CDH12: variants seen among roughly 807,000 people sequenced by gnomAD.
CDH12 encodes the protein cadherin 12.
A neutral mutation model predicts 74.1 loss-of-function variants in CDH12; 41 were observed. That is an observed-to-expected ratio of 0.55 (90% CI 0.43 to 0.72). The LOEUF (loss-of-function observed/expected upper bound fraction) is 0.72, where lower values mean the gene tolerates loss of function less well. CDH12 is among the 30% of genes least tolerant of loss of function. The pLI is 0.00. For missense variants in CDH12, 945 were observed against 977.2 expected (o/e 0.97, Z 0.44); for synonymous variants, 399 against 355.0 (o/e 1.12, Z -1.39).
At chr5:22,809,658 G>GA (rs1749030354) in intron 1 of CDH12, among the ~76,000 whole-genome samples, 1 of 151,682 alleles carries the variant, frequency 6.6e-6, no homozygotes, top group Admixed American at 6.6e-5. Flanking sequence ...TTACCAACAA[G>GA]AAAAAATGTT....
intron 1 of CDH12, among the ~76,000 whole-genome samples, chr5:22,657,855 C>A (rs1328680509): frequency 6.6e-6 from 1 of 152,092 alleles, no homozygotes; most frequent in Non-Finnish European, 1.5e-5. Flanking sequence ...TTAACTTCTC[C>A]ATCAAGTACA....
intron 1 of CDH12, among the ~76,000 whole-genome samples, chr5:22,540,118 TC>T (rs1738034149): frequency 6.6e-6 from 1 of 152,150 alleles, no homozygotes; most frequent in South Asian, 2.1e-4. Flanking sequence ...GAAATGTTTA[TC>T]TTTTTTTAGC....
intron 10 of CDH12, among the ~76,000 whole-genome samples, chr5:21,798,622 G>A (rs1014501212): frequency 6.6e-6 from 1 of 152,012 alleles, no homozygotes; most frequent in South Asian, 2.1e-4. Context: ...GGTCATGAGG[G>A]TGGAGTCCTC....
At chr5:22,175,467 GA>G (rs951538067) in intron 4 of CDH12, among the ~76,000 whole-genome samples, 2 of 151,586 alleles carry the variant, frequency 1.3e-5, no homozygotes, top group African/African-American at 4.8e-5. Flanking sequence ...ACTTGAGAAT[GA>G]AAAAAAATAT....
intron 1 of CDH12, among the ~76,000 whole-genome samples, chr5:22,601,171 T>C (rs1372275440): frequency 2.0e-5 from 3 of 152,080 alleles, no homozygotes; most frequent in African/African-American, 4.8e-5. Flanking sequence ...TTTAACCATA[T>C]GATCCTATGT....
chr5:21,819,736 G>A (rs1748260516), intron 8 of CDH12, among the ~76,000 whole-genome samples: 1 of 151,996 alleles, frequency 6.6e-6, no homozygotes, highest in Non-Finnish European at 1.5e-5. Context: ...GAGACAGAGA[G>A]CCGTCAAGTA....
At chr5:22,072,271 T>C (rs1374163747) in intron 5 of CDH12, among the ~76,000 whole-genome samples, 1 of 152,170 alleles carries the variant, frequency 6.6e-6, no homozygotes, top group Non-Finnish European at 1.5e-5. Context: ...CCATACTTTC[T>C]GTATTTATTC....
At chr5:22,269,933 G>A (rs1736308835) in intron 3 of CDH12, among the ~76,000 whole-genome samples, 1 of 152,028 alleles carries the variant, frequency 6.6e-6, no homozygotes, top group Admixed American at 6.6e-5. Context: ...ATTTCCTGGA[G>A]GGATACTTCA....
rs1048804131 is a variant in CDH12, at chr5:22,499,145, C to T, written c.-428+6125G>A. ...CCAGTGCTGGTTTTGAACTCCTGAC[C>T]TCAAGTGATCCGCCTGTCTTGGCCT... On this transcript the variant is annotated intron_variant, in intron 2 of 14. Transcript: ENST00000382254. 5.9e-5 allele frequency among the ~76,000 whole-genome samples: 9 copies of T among 151,640 alleles called. No homozygotes were observed. The South Asian group carries it at 6.2e-4, about 11-fold the overall frequency.
At chr5:22,571,124 G>C (rs1739519822) in intron 1 of CDH12, among the ~76,000 whole-genome samples, 1 of 151,992 alleles carries the variant, frequency 6.6e-6, no homozygotes, top group African/African-American at 2.4e-5. Flanking sequence ...TGGCTGCTTT[G>C]ATCTATCCAA....
intron 1 of CDH12, among the ~76,000 whole-genome samples, chr5:22,712,480 A>G (rs932192854): frequency 9.8e-5 from 5 of 50,786 alleles, no homozygotes; most frequent in Non-Finnish European, 2.3e-4. Flanking sequence ...GCTAGAATAG[A>G]TGTTCCTGGA....
At chr5:22,633,437 T>A (rs115806660) in intron 1 of CDH12, among the ~76,000 whole-genome samples, 952 of 152,342 alleles carry the variant, frequency 6.2e-3, no homozygotes, top group Non-Finnish European at 0.01. Flanking sequence ...GTTAGTTTTA[T>A]ATGTCAACTT....
At chr5:22,754,397 T>C (rs1745770553) in intron 1 of CDH12, among the ~76,000 whole-genome samples, 1 of 151,888 alleles carries the variant, frequency 6.6e-6, no homozygotes, top group Admixed American at 6.6e-5. Context: ...TTGAGACAAG[T>C]GAACAGGCAG....
intron 1 of CDH12, among the ~76,000 whole-genome samples, chr5:22,643,056 T>A (rs1739234124): frequency 1.3e-5 from 2 of 152,152 alleles, no homozygotes; most frequent in Non-Finnish European, 2.9e-5. Flanking sequence ...TTTGTATTGA[T>A]GCTTAAATCA....
chr5:22,486,036 G>A (rs879629699), intron 2 of CDH12, among the ~76,000 whole-genome samples: 1 of 152,184 alleles, frequency 6.6e-6, no homozygotes, highest in Non-Finnish European at 1.5e-5. Flanking sequence ...CAGCTGGAAA[G>A]CCTCACCCAC....
intron 2 of CDH12, among the ~76,000 whole-genome samples, chr5:22,480,336 A>G (rs564967922): frequency 1.7e-3 from 260 of 152,010 alleles, no homozygotes; most frequent in Non-Finnish European, 3.0e-3. Flanking sequence ...TAATCCCAGC[A>G]CTTTGCAAGG....
In CDH12 at chr5:22,306,152, A is replaced by AGTAGT. The variant is rs1436802865; in HGVS notation, c.-332-93510_-332-93509insACTAC. Among the ~76,000 whole-genome samples, 371 of 152,272 alleles carry AGTAGT rather than the reference A, an allele frequency of 2.4e-3. 3 individuals are homozygous for AGTAGT. Among genetic ancestry groups the AGTAGT allele is most frequent in the African/African-American group, 8.8e-3 (365 of 41,558 alleles). On this transcript the variant is annotated intron_variant, in intron 3 of 14. Coordinates refer to ENST00000382254, the MANE Select transcript of CDH12 (RefSeq NM_004061.5). ...TTCTTTTGCCCCCCTCTACTACAAG[A>AGTAGT]ACCCTTCTGCTCACCAGTTGCAATT...
At chr5:22,808,724 C>T (rs1748951004) in intron 1 of CDH12, among the ~76,000 whole-genome samples, 1 of 144,324 alleles carries the variant, frequency 6.9e-6, no homozygotes, top group Admixed American at 7.0e-5. Context: ...CCTGCCTCAG[C>T]CTGTAGCTGA....
intron 5 of CDH12, among the ~76,000 whole-genome samples, chr5:22,047,873 G>T (rs895474497): frequency 6.6e-6 from 1 of 152,110 alleles, no homozygotes; most frequent in Non-Finnish European, 1.5e-5. Flanking sequence ...TGTGTGAGAT[G>T]GTCACACAGA....
Sources: gnomAD v4.1 joint callset for allele counts (sites outside exome capture counted in the v4.1 genomes callset) on GRCh38, gnomAD v4.1.1 for gene constraint, MANE v1.5 for transcripts, NCBI Gene and HGNC (gene_info 2026-07-23, HGNC 2026-07-21) for gene names.